Variants in ZBTB8A observed in about 807,000 individuals in gnomAD.
The protein encoded by ZBTB8A is zinc finger and BTB domain containing 8A.
Under a neutral mutation model 37.8 loss-of-function variants are expected in ZBTB8A, and 19 were observed. That is an observed-to-expected ratio of 0.50 (90% confidence interval 0.35 to 0.74). ZBTB8A has a LOEUF of 0.74. ZBTB8A is among the 30% of genes least tolerant of loss of function. The probability of loss-of-function intolerance (pLI) is 0.01; values close to 1 mark genes in which losing one functional copy is unlikely to be tolerated. For synonymous variants in ZBTB8A, 181 were observed against 185.2 expected (o/e 0.98, Z 0.19); for missense variants, 394 against 537.8 (o/e 0.73, Z 2.65).
At chr1:32,568,367 G>A (rs1316868113) in intron 2 of ZBTB8A, among the ~76,000 whole-genome samples, 3 of 150,998 alleles carry the variant, frequency 2.0e-5, no homozygotes, top group Admixed American at 2.0e-4. Context: ...TCTCCCTTAC[G>A]TGATTATAGA....
chr1:32,592,884 A>G, intron 2 of ZBTB8A, 47 bp from the exon 3 acceptor site: 2 of 1,446,044 alleles, frequency 1.4e-6, no homozygotes, highest in African/African-American at 1.4e-5. Flanking sequence ...AAAATAAAAT[A>G]ATTGTAATGT....
chr1:32,563,097 A>G (rs1238181600), intron 2 of ZBTB8A, among the ~76,000 whole-genome samples: 3 of 152,088 alleles, frequency 2.0e-5, no homozygotes, highest in Non-Finnish European at 4.4e-5. Context: ...TATTGTTTTA[A>G]CTCTTATTTT....
chr1:32,574,109 A>G (rs1400746385), intron 2 of ZBTB8A, among the ~76,000 whole-genome samples: 1 of 152,014 alleles, frequency 6.6e-6, no homozygotes, highest in Non-Finnish European at 1.5e-5. Flanking sequence ...AAAATAATAA[A>G]TGAACTATAC....
intron 2 of ZBTB8A, among the ~76,000 whole-genome samples, chr1:32,568,535 C>G (rs924760650): frequency 6.6e-6 from 1 of 152,074 alleles, no homozygotes; most frequent in Non-Finnish European, 1.5e-5. Context: ...TGCAGGCGCC[C>G]GCCACTACGC....
chr1:32,555,822 A>G (rs1644197229), intron 2 of ZBTB8A, among the ~76,000 whole-genome samples: 1 of 152,104 alleles, frequency 6.6e-6, no homozygotes, highest in South Asian at 2.1e-4. Flanking sequence ...ACATAAAACC[A>G]AAGTTGTTGC....
intron 4 of ZBTB8A, among the ~76,000 whole-genome samples, chr1:32,596,591 C>G (rs1644533774): frequency 6.7e-6 from 1 of 148,162 alleles, no homozygotes; most frequent in Admixed American, 6.7e-5. Flanking sequence ...AAACAAAAAA[C>G]AAACAAAAAA....
intron 2 of ZBTB8A, among the ~76,000 whole-genome samples, chr1:32,581,097 T>TA (rs1644399651): frequency 1.3e-5 from 1 of 79,952 alleles, no homozygotes. Context: ...AGATAATATA[T>TA]TAAATATATA....
rs1211629881 is a variant in ZBTB8A, at chr1:32,593,166, A to G, written c.235A>G (p.Ile79Val). The G allele has an allele frequency of 2.5e-6, 4 of 1,614,088 alleles. No individual in the cohort carries two copies. In the African/African-American group the frequency reaches 5.3e-5, roughly 22 times the overall value. Residue 79 changes from isoleucine (I) to valine (V), a missense_variant, in exon 3 of 5, where the codon ATC (isoleucine) becomes GTC (valine). Around this residue, in one of 4 missense-constraint regions of ZBTB8A, gnomAD observed 96 missense variants for 165.6 expected, o/e 0.58. Transcript: ENST00000373510. ...QAFSPDTFTV[I>V]LDFVYSGKLS... ...TTTCTCCCCTGACACTTTTACAGTT[A>G]TCTTGGACTTCGTATATTCTGGCAA... is the stretch of plus-strand genomic sequence containing the variant.
At chr1:32,596,408 A>AC in intron 4 of ZBTB8A, among the ~76,000 whole-genome samples, 2 of 151,044 alleles carry the variant, frequency 1.3e-5, no homozygotes, top group South Asian at 4.2e-4. Context: ...ACATGGTGAA[A>AC]CCCCATCCAC....
intron 2 of ZBTB8A, among the ~76,000 whole-genome samples, chr1:32,592,125 G>A (rs374492411): frequency 2.8e-4 from 42 of 152,272 alleles, no homozygotes; most frequent in African/African-American, 8.4e-4. Flanking sequence ...ATAGGCGTGA[G>A]CCACCACGCC....
At chr1:32,599,200 C>T (rs1232017850) in intron 4 of ZBTB8A, among the ~76,000 whole-genome samples, 2 of 151,242 alleles carry the variant, frequency 1.3e-5, no homozygotes, top group Non-Finnish European at 2.9e-5. Context: ...GCACCCCCCG[C>T]CCCCACCTCA....
At position 32,601,583 on chromosome 1, in the gene ZBTB8A, TG is replaced by T. The variant is rs1332533663; in HGVS notation, c.*1165del. 1 of 398,440 alleles carries T rather than the reference TG, an allele frequency of 2.5e-6. No homozygotes were observed. Among genetic ancestry groups the T allele is most frequent in the Non-Finnish European group, 4.4e-6 (1 of 226,050 alleles). 24.7% of individuals were successfully genotyped at this position (398,440 alleles called of 1,614,324 possible). On this transcript the variant is annotated 3_prime_UTR_variant, in exon 5 of 5. Coordinates refer to ENST00000373510, the MANE Select transcript of ZBTB8A (RefSeq NM_001040441.3). ...AGTACTCTCTCATGTATTTTCTCAG[TG>T]AGGTGGATACTATCTCCGATTTACA...
chr1:32,586,471 A>G (rs138526698), intron 2 of ZBTB8A, among the ~76,000 whole-genome samples: 1 of 152,162 alleles, frequency 6.6e-6, no homozygotes, highest in Non-Finnish European at 1.5e-5. Context: ...TGGACTTTAC[A>G]TTTTAGTAGG....
At chr1:32,553,153 G>A (rs988989261) in intron 1 of ZBTB8A, among the ~76,000 whole-genome samples, 2 of 151,316 alleles carry the variant, frequency 1.3e-5, no homozygotes, top group South Asian at 2.1e-4. Context: ...TCCGCCTCCC[G>A]AGTTCAAGCA....
rs200979052 is a variant in ZBTB8A at position 32,582,641 on chromosome 1, CA to C, written c.-1-10278del. 7.4e-3 allele frequency among the ~76,000 whole-genome samples: 1,015 copies of C among 137,840 alleles called. 17 individuals are homozygous for C. In the East Asian group the frequency reaches 0.082, roughly 11 times the overall value. 90.4% of individuals were successfully genotyped at this position (137,840 alleles called of 152,430 possible). ...CTGGGCAACAGGAGTGAAACTCTCT[CA>C]AAAAAAAAAAAGAAGGATACTCAAC... On this transcript the variant is annotated intron_variant, in intron 2 of 4. Transcript: ENST00000373510.
chr1:32,549,133 A>G (rs2148215074), intron 1 of ZBTB8A, among the ~76,000 whole-genome samples: 1 of 152,244 alleles, frequency 6.6e-6, no homozygotes, highest in South Asian at 2.1e-4. Flanking sequence ...GGTTGCCATG[A>G]GCCGAGATCA....
In ZBTB8A at chr1:32,542,339, G is replaced by C. The variant is rs1426145375; in HGVS notation, c.-84+2767G>C. Among the ~76,000 whole-genome samples the C allele has an allele frequency of 2.0e-5, 3 of 152,130 alleles. No homozygotes were observed. In the East Asian group the frequency reaches 5.8e-4, roughly 29 times the overall value. On this transcript the variant is annotated intron_variant, in intron 1 of 4. Coordinates refer to ENST00000373510, the MANE Select transcript of ZBTB8A (RefSeq NM_001040441.3). ...GGAGGCCAAGGCCTCGGGGGTCGGG[G>C]GGGCGGGGTGTGGATCACGAGGTCA...
chr1:32,555,145 T>C (rs1644191081), intron 2 of ZBTB8A, among the ~76,000 whole-genome samples: 2 of 152,204 alleles, frequency 1.3e-5, no homozygotes, highest in African/African-American at 4.8e-5. Flanking sequence ...ATCCCAGCAC[T>C]TTGGGAGGCC....
intron 2 of ZBTB8A, among the ~76,000 whole-genome samples, chr1:32,558,345 CCTT>C (rs1474818194): frequency 6.6e-6 from 1 of 152,008 alleles, no homozygotes; most frequent in Non-Finnish European, 1.5e-5. Context: ...ACCCCTCCCT[CCTT>C]CTTATCTACA....
Sources: gnomAD v4.1 joint callset for allele counts (sites outside exome capture counted in the v4.1 genomes callset) on GRCh38, gnomAD v4.1.1 for gene constraint, gnomAD v4.1.1 regional missense constraint, MANE v1.5 for transcripts, NCBI Gene and HGNC (gene_info 2026-07-23, HGNC 2026-07-21) for gene names.